Variants in RNF149 observed in about 807,000 individuals in gnomAD.
The protein encoded by RNF149 is E3 ubiquitin-protein ligase RNF149.
In RNF149, 21 loss-of-function variants were observed where a neutral mutation model predicts 39.0. The observed-to-expected ratio is 0.54, with a 90% CI of 0.38 to 0.77. The LOEUF is 0.77. Among genes scored for constraint, RNF149 ranks in the 30% least tolerant of loss-of-function variants. The pLI, the probability that RNF149 is intolerant of heterozygous loss-of-function variation, is 0.00. For missense variants in RNF149, 493 were observed against 534.9 expected, an observed-to-expected ratio of 0.92 and a Z score of 0.77; for synonymous variants, 209 against 213.6, an observed-to-expected ratio of 0.98 and a Z score of 0.19.
chr2:101,272,455 C>G (rs1682163993), downstream of RNF149, among the ~76,000 whole-genome samples: 1 of 152,032 alleles, frequency 6.6e-6, no homozygotes, highest in African/African-American at 2.4e-5. Flanking sequence ...TAGTATTTTT[C>G]AAAATATGGT....
chr2:101,272,911 A>G (rs763563110), downstream of RNF149: 1 of 1,339,914 alleles, frequency 7.5e-7, no homozygotes, highest in South Asian at 1.1e-5. Flanking sequence ...GACAGCTCCC[A>G]TGGCATGAAG....
downstream of RNF149, chr2:101,273,113 G>A (rs553939123): frequency 2.8e-5 from 38 of 1,363,866 alleles, no homozygotes; most frequent in East Asian, 4.6e-5. Flanking sequence ...GATAGCATGC[G>A]GGGAAATTAT....
rs561857123 is a variant in RNF149, at chr2:101,289,148, T to C, written c.781-93A>G. The C allele has an allele frequency of 2.9e-5, 20 of 691,210 alleles. No homozygotes were observed. In the Admixed American group the frequency reaches 4.3e-4, roughly 15 times the overall value. 42.8% of individuals were successfully genotyped at this position (691,210 alleles called of 1,614,324 possible). On this transcript the variant is annotated intron_variant, in intron 3 of 6. Transcript: ENST00000295317. ...CATCCGGACTAAAACAATGACGAAT[T>C]CCCTTCTACAGTGGTACAACCGGTG...
intron 1 of RNF149, among the ~76,000 whole-genome samples, chr2:101,298,931 C>T (rs1683344851): frequency 6.6e-6 from 1 of 152,308 alleles, no homozygotes; most frequent in Middle Eastern, 3.4e-3. Context: ...ATGTAGATCA[C>T]TTGAGGTTAG....
Position 101,276,218 on chromosome 2 carries a change from G to T in RNF149, c.*1020C>A. On this transcript the variant is annotated 3_prime_UTR_variant, in exon 7 of 7. Transcript: ENST00000295317. Reference sequence around the variant, plus strand: ...TACTCGACTTCTACCTCCAAGAAGTGAAAAAATAGCAGAGTGTGTGTTTAA... The same window carrying T: ...TACTCGACTTCTACCTCCAAGAAGTTAAAAAATAGCAGAGTGTGTGTTTAA... 1.0e-6 allele frequency: 1 copy of T among 985,194 alleles called. No homozygotes were observed. Among genetic ancestry groups the T allele is most frequent in the African/African-American group, 1.7e-5 (1 of 57,316 alleles). The allele number at this position is 985,194 out of a possible 1,614,324, so 61.0% of individuals were successfully genotyped here. A position where few individuals can be genotyped will look rare whatever the true frequency, so the allele number is the denominator to read the frequency against.
chr2:101,292,697 C>T (rs552698495), intron 3 of RNF149, among the ~76,000 whole-genome samples: 5 of 152,160 alleles, frequency 3.3e-5, no homozygotes, highest in East Asian at 3.9e-4. Flanking sequence ...ACCCGGGAGG[C>T]GGAGCTTGCA....
intron 1 of RNF149, among the ~76,000 whole-genome samples, chr2:101,299,007 A>C (rs926775275): frequency 2.0e-5 from 3 of 152,150 alleles, no homozygotes; most frequent in Admixed American, 2.0e-4. Flanking sequence ...CATGCAAAAA[A>C]TTAGCTGGGC....
In RNF149 at chr2:101,276,119, C is replaced by T; in HGVS notation, c.*1119G>A. ...TTAAATAAACATTTATTTTTACCTA[C>T]AAAGTAAAGATATACAGAATAACTA... On this transcript the variant is annotated 3_prime_UTR_variant, in exon 7 of 7. Transcript: ENST00000295317. The T allele has an allele frequency of 3.2e-6, 3 of 938,814 alleles. No individual in the cohort carries two copies. Among genetic ancestry groups the T allele is most frequent in the Non-Finnish European group, 2.5e-6 (2 of 787,662 alleles). 58.2% of individuals were successfully genotyped at this position (938,814 alleles called of 1,614,324 possible).
intron 5 of RNF149, among the ~76,000 whole-genome samples, chr2:101,283,155 C>T (rs1286859201): frequency 6.6e-6 from 1 of 152,230 alleles, no homozygotes; most frequent in Non-Finnish European, 1.5e-5. Context: ...CTTGCCCCAC[C>T]TTCCAACTTC....
downstream of RNF149, chr2:101,273,143 G>T (rs1682198219): frequency 3.0e-6 from 4 of 1,344,492 alleles, no homozygotes; most frequent in African/African-American, 4.5e-5. Context: ...AGTGGTGTGT[G>T]TTTTTACACC....
chr2:101,272,353 C>T (rs556114026), downstream of RNF149, among the ~76,000 whole-genome samples: 1 of 152,180 alleles, frequency 6.6e-6, no homozygotes, highest in South Asian at 2.1e-4. Flanking sequence ...CTTTTTTTCA[C>T]AACTTTGCTG....
downstream of RNF149, chr2:101,273,262 C>T (rs779987904): frequency 8.0e-4 from 447 of 561,226 alleles, 2 homozygotes; most frequent in Non-Finnish European, 6.4e-4. Flanking sequence ...AGCACAGTCA[C>T]GGACACTGCC....
chr2:101,288,881 C>A, intron 4 of RNF149, 92 bp downstream of exon 4: 1 of 658,156 alleles, frequency 1.5e-6, no homozygotes, highest in Non-Finnish European at 2.7e-6. Context: ...ATTACAAGAT[C>A]TTCATTATCA....
intron 1 of RNF149, among the ~76,000 whole-genome samples, chr2:101,295,670 A>T (rs554340167): frequency 6.6e-6 from 1 of 151,538 alleles, no homozygotes; most frequent in Non-Finnish European, 1.5e-5. Flanking sequence ...CAAAAAAAAA[A>T]AAAAAAGAAC....
rs1682331910 is a variant in RNF149 at position 101,275,977 on chromosome 2, C to A, written c.*1261G>T. On this transcript the variant is annotated 3_prime_UTR_variant, in exon 7 of 7. Transcript: ENST00000295317. Reference sequence around the variant, plus strand: ...GAGTTTATTTCAGTAAAACTGTTTACTATTTCATGATGAGTAGCTAGAATT... The same window carrying A: ...GAGTTTATTTCAGTAAAACTGTTTAATATTTCATGATGAGTAGCTAGAATT... 1 of 961,520 alleles carries A rather than the reference C, an allele frequency of 1.0e-6. No individual in the cohort carries two copies. Among genetic ancestry groups the A allele is most frequent in the Non-Finnish European group, 1.2e-6 (1 of 808,394 alleles). 59.6% of individuals were successfully genotyped at this position (961,520 alleles called of 1,614,324 possible).
At position 101,281,950 on chromosome 2, in the gene RNF149, G is replaced by C. The variant is rs13151; in HGVS notation, c.1068C>G (p.Asp356Glu). ...LALPDDDGSD[D>E]SSPPSASPAE... ...CAGGGGAGGCTGATGGTGGACTGCTGTCATCACTTCCGTCATCATCTGGTA... is the reference window on the plus strand; with the variant it reads ...CAGGGGAGGCTGATGGTGGACTGCTCTCATCACTTCCGTCATCATCTGGTA... The change falls in exon 6 of 7, where the codon GAC becomes GAG. Residue 356 changes from aspartate (D) to glutamate (E), a missense_variant. Asp to Glu is a conservative substitution (Grantham distance 45). Transcript: ENST00000295317. The C allele has an allele frequency of 0.86, 1,389,006 of 1,613,666 alleles. 600,312 individuals carry two copies. The highest frequency in any genetic ancestry group is 1 in the East Asian group (44,836 of 44,858).
chr2:101,294,507 T>C (rs1191523660), intron 2 of RNF149: 1 of 197,866 alleles, frequency 5.1e-6, no homozygotes, highest in East Asian at 1.4e-4. Context: ...AACAGTCAAC[T>C]TTCCACAATG....
At chr2:101,277,768 ATCT>A (rs1452771819) in intron 6 of RNF149, among the ~76,000 whole-genome samples, 8 of 152,204 alleles carry the variant, frequency 5.3e-5, no homozygotes, top group African/African-American at 1.7e-4. Context: ...ATCGGTAAAC[ATCT>A]TCATCATATG....
intron 5 of RNF149, among the ~76,000 whole-genome samples, chr2:101,284,380 G>A (rs1327665336): frequency 6.6e-6 from 1 of 152,128 alleles, no homozygotes; most frequent in Non-Finnish European, 1.5e-5. Flanking sequence ...AGGATTTTGA[G>A]ACCATCCTGG....
Sources: allele counts gnomAD v4.1 joint callset (sites outside exome capture counted in the v4.1 genomes callset), GRCh38; gene constraint gnomAD v4.1.1; transcripts MANE v1.5; gene names NCBI Gene and HGNC (gene_info 2026-07-23, HGNC 2026-07-21).